ENAH: variants seen among roughly 807,000 people sequenced by gnomAD.
The protein encoded by ENAH is protein enabled homolog.
Under a neutral mutation model 78.7 loss-of-function variants are expected in ENAH, and 23 were observed. That is an observed-to-expected ratio of 0.29 (90% CI 0.21 to 0.41). ENAH has a LOEUF of 0.41. Among genes scored for constraint, ENAH ranks in the 10% least tolerant of loss-of-function variants. ENAH has a pLI of 1.00. For synonymous variants in ENAH, 226 were observed against 241.0 expected (o/e 0.94, Z 0.58); for missense variants, 544 against 691.0 (o/e 0.79, Z 2.39).
At chr1:225,615,437 G>C (rs947672944) in intron 1 of ENAH, among the ~76,000 whole-genome samples, 7 of 152,230 alleles carry the variant, frequency 4.6e-5, no homozygotes, top group African/African-American at 1.4e-4. Context: ...CCAAAGTGCC[G>C]AGATTGCAGC....
At chr1:225,555,372 G>C (rs1043035385) in intron 2 of ENAH, among the ~76,000 whole-genome samples, 60 of 152,158 alleles carry the variant, frequency 3.9e-4, no homozygotes, top group Non-Finnish European at 1.8e-4. Flanking sequence ...CATGAGGTCA[G>C]GAGATTGAGA....
intron 2 of ENAH, among the ~76,000 whole-genome samples, chr1:225,565,768 C>G (rs1286338320): frequency 6.6e-6 from 1 of 152,058 alleles, no homozygotes; most frequent in Non-Finnish European, 1.5e-5. Context: ...ACAAAGGGGG[C>G]TCTTGGTAAA....
At chr1:225,622,931 G>A (rs1198562683) in intron 1 of ENAH, among the ~76,000 whole-genome samples, 2 of 152,146 alleles carry the variant, frequency 1.3e-5, no homozygotes, top group African/African-American at 4.8e-5. Flanking sequence ...AAGCAGTGAG[G>A]GGCACAGGGA....
intron 12 of ENAH, among the ~76,000 whole-genome samples, chr1:225,499,116 T>C (rs946013172): frequency 6.6e-6 from 1 of 152,224 alleles, no homozygotes; most frequent in African/African-American, 2.4e-5. Context: ...TAGTAATTTA[T>C]AAAAATTGAC....
At position 225,490,801 on chromosome 1, in the gene ENAH, T is replaced by C. The variant is rs2096218859; in HGVS notation, c.*6974A>G. 1 of 152,240 alleles carries C rather than the reference T, an allele frequency of 6.6e-6. No individual in the cohort carries two copies. Among genetic ancestry groups the C allele is most frequent in the South Asian group, 2.1e-4 (1 of 4,830 alleles). The allele number at this position is 152,240 out of a possible 1,614,324, so 9.4% of individuals were successfully genotyped here. A position where few individuals can be genotyped will look rare whatever the true frequency, so the allele number is the denominator to read the frequency against. On this transcript the variant is annotated 3_prime_UTR_variant, in exon 14 of 14. Transcript: ENST00000366843. ...GCTATTCTTCTCCTGGAAATTTAAG[T>C]GGCAAAGTCAACGTCTTTTACCAAC...
chr1:225,572,930 G>A (rs1480541677), intron 1 of ENAH, among the ~76,000 whole-genome samples: 3 of 152,096 alleles, frequency 2.0e-5, no homozygotes, highest in Non-Finnish European at 2.9e-5. Context: ...AGAGATAGCT[G>A]GTTTAAAAGA....
chr1:225,619,170 T>TG (rs1161443923), intron 1 of ENAH, among the ~76,000 whole-genome samples: 2 of 152,212 alleles, frequency 1.3e-5, no homozygotes, highest in Admixed American at 6.5e-5. Flanking sequence ...CAATGTTTCC[T>TG]GAATATTTTC....
chr1:225,599,689 G>A (rs554286352), intron 1 of ENAH, among the ~76,000 whole-genome samples: 10 of 151,412 alleles, frequency 6.6e-5, no homozygotes, highest in East Asian at 3.9e-4. Context: ...CCAGCTACTC[G>A]GAAGACTGAG....
intron 1 of ENAH, among the ~76,000 whole-genome samples, chr1:225,617,341 A>T (rs2840958): frequency 1.3e-5 from 2 of 151,828 alleles, no homozygotes; most frequent in Admixed American, 6.6e-5. Flanking sequence ...TCCAGGCCCT[A>T]TACATTATCC....
At chr1:225,624,165 C>G (rs956507124) in intron 1 of ENAH, among the ~76,000 whole-genome samples, 2 of 152,040 alleles carry the variant, frequency 1.3e-5, no homozygotes, top group African/African-American at 4.8e-5. Context: ...AGGTTGGGTA[C>G]AGTGGCTGAT....
At chr1:225,533,271 A>T (rs1441328620) in intron 3 of ENAH, among the ~76,000 whole-genome samples, 1 of 152,170 alleles carries the variant, frequency 6.6e-6, no homozygotes, top group Non-Finnish European at 1.5e-5. Flanking sequence ...GGCACCCCAC[A>T]TGACATGAAG....
At chr1:225,609,857 G>A (rs1223919661) in intron 1 of ENAH, among the ~76,000 whole-genome samples, 4 of 151,652 alleles carry the variant, frequency 2.6e-5, no homozygotes, top group Non-Finnish European at 5.9e-5. Context: ...TAGAGACAGC[G>A]TTTTGCTATG....
chr1:225,573,981 TTAAGAGAATATATCCTAAA>T (rs775475651), intron 1 of ENAH, among the ~76,000 whole-genome samples: 60 of 152,316 alleles, frequency 3.9e-4, no homozygotes, highest in Non-Finnish European at 6.2e-4. Context: ...TATCAGCCTC[TTAAGAGAATATATCCTAAA>T]GAAAGAGAAT....
intron 7 of ENAH, among the ~76,000 whole-genome samples, chr1:225,514,341 T>C (rs1399603698): frequency 2.6e-5 from 4 of 151,918 alleles, no homozygotes; most frequent in Non-Finnish European, 5.9e-5. Context: ...AAGTTTTGTA[T>C]TTTTAGTGAG....
At chr1:225,512,236 G>A (rs1305045626) in intron 9 of ENAH, among the ~76,000 whole-genome samples, 1 of 152,222 alleles carries the variant, frequency 6.6e-6, no homozygotes, top group African/African-American at 2.4e-5. Context: ...GAATCAGGGA[G>A]GAGGGCATGA....
At chr1:225,601,302 C>T (rs1339881514) in intron 1 of ENAH, among the ~76,000 whole-genome samples, 5 of 152,038 alleles carry the variant, frequency 3.3e-5, no homozygotes, top group African/African-American at 1.2e-4. Context: ...GGGCGGATCA[C>T]GATGTCAGGA....
intron 2 of ENAH, among the ~76,000 whole-genome samples, chr1:225,562,364 A>G (rs2096710755): frequency 6.6e-6 from 1 of 151,754 alleles, no homozygotes; most frequent in Non-Finnish European, 1.5e-5. Context: ...CGAGGTCAGG[A>G]GATCGAGACC....
intron 1 of ENAH, among the ~76,000 whole-genome samples, chr1:225,585,044 A>C (rs58088270): frequency 0.033 from 5,020 of 151,628 alleles, 113 homozygotes; most frequent in East Asian, 0.092. Flanking sequence ...GTGAAACCAT[A>C]TCTCTACTAA....
chr1:225,620,282 C>T (rs911124612), intron 1 of ENAH, among the ~76,000 whole-genome samples: 12 of 151,986 alleles, frequency 7.9e-5, no homozygotes, highest in African/African-American at 2.7e-4. Flanking sequence ...AATCCCAGCA[C>T]TTTGGGAGGC....
Sources: gnomAD v4.1 joint callset for allele counts (sites outside exome capture counted in the v4.1 genomes callset) on GRCh38, gnomAD v4.1.1 for gene constraint, MANE v1.5 for transcripts, NCBI Gene and HGNC (gene_info 2026-07-23, HGNC 2026-07-21) for gene names.